The following SIPA1L1 variants were observed in gnomAD, a reference collection of about 807,000 sequenced individuals.
SIPA1L1 encodes signal-induced proliferation-associated 1-like protein 1.
SIPA1L1 carries 26 observed loss-of-function variants against 162.7 expected under a neutral mutation model. The ratio of observed to expected loss-of-function variants is 0.16; its 90% CI spans 0.12 to 0.22. The LOEUF (loss-of-function observed/expected upper bound fraction) is 0.22. Among genes scored for constraint, SIPA1L1 ranks in the 10% least tolerant of loss-of-function variants. SIPA1L1 has a pLI of 1.00. For missense variants in SIPA1L1, 1,874 were observed against 2,241.0 expected (o/e 0.84, Z 3.31); for synonymous variants, 829 against 837.4 (o/e 0.99, Z 0.17).
chr14:71,421,918 A>G (rs939201022), intron 2 of SIPA1L1, among the ~76,000 whole-genome samples: 5 of 152,206 alleles, frequency 3.3e-5, no homozygotes, highest in Non-Finnish European at 7.3e-5. Context: ...TTACCGCAAG[A>G]AGGGGACTCA....
rs746349439 is a variant in SIPA1L1, at chr14:71,386,778, C to T, written c.-465+65597C>T. On this transcript the variant is annotated intron_variant, in intron 2 of 23. Transcript: ENST00000381232. Reference sequence around the variant, plus strand: ...TTTCAAATGTATTATCTCATTAATACATACCTTCAGTACCATTGATTTAGA... The same window carrying T: ...TTTCAAATGTATTATCTCATTAATATATACCTTCAGTACCATTGATTTAGA... Among the ~76,000 whole-genome samples, 39 of 152,166 alleles carry T rather than the reference C, an allele frequency of 2.6e-4. 1 individual carries two copies. The highest frequency in any genetic ancestry group is 2.4e-3 in the Admixed American group (36 of 15,282).
chr14:71,361,329 A>G (rs908178962), intron 2 of SIPA1L1, among the ~76,000 whole-genome samples: 2 of 152,120 alleles, frequency 1.3e-5, no homozygotes, highest in Non-Finnish European at 2.9e-5. Flanking sequence ...TACAGTGGTA[A>G]TGGGGTATTG....
chr14:71,640,189 C>T (rs1274663065), intron 7 of SIPA1L1, among the ~76,000 whole-genome samples: 1 of 152,146 alleles, frequency 6.6e-6, no homozygotes, highest in Non-Finnish European at 1.5e-5. Context: ...CAGGTGTGAG[C>T]CACCAGGCCC....
chr14:71,701,126 G>A (rs182972960), intron 14 of SIPA1L1, among the ~76,000 whole-genome samples: 31 of 150,028 alleles, frequency 2.1e-4, no homozygotes, highest in Non-Finnish European at 3.8e-4. Context: ...TGGAATTGCC[G>A]TTTTACACAT....
At chr14:71,620,577 AT>A (rs1352857225) in intron 6 of SIPA1L1, among the ~76,000 whole-genome samples, 1 of 151,938 alleles carries the variant, frequency 6.6e-6, no homozygotes, top group East Asian at 1.9e-4. Context: ...GTTTCCTATG[AT>A]TCTTTCTGAG....
intron 17 of SIPA1L1, among the ~76,000 whole-genome samples, chr14:71,713,373 A>G (rs142702062): frequency 1.4e-3 from 206 of 152,186 alleles, no homozygotes; most frequent in Non-Finnish European, 2.4e-3. Context: ...GAGAGCATAC[A>G]TAGAGTCTTT....
intron 5 of SIPA1L1, among the ~76,000 whole-genome samples, chr14:71,608,566 C>T (rs1567303114): frequency 6.6e-6 from 1 of 151,926 alleles, no homozygotes; most frequent in Non-Finnish European, 1.5e-5. Flanking sequence ...AGTCATTGAC[C>T]ATTTGCAAAC....
At chr14:71,421,514 G>A (rs1218124942) in intron 2 of SIPA1L1, among the ~76,000 whole-genome samples, 2 of 152,216 alleles carry the variant, frequency 1.3e-5, no homozygotes, top group Middle Eastern at 3.4e-3. Flanking sequence ...TGGGAGGATG[G>A]CTTGAGCCCA....
intron 4 of SIPA1L1, among the ~76,000 whole-genome samples, chr14:71,534,896 T>A (rs2145515232): frequency 6.6e-6 from 1 of 152,378 alleles, no homozygotes; most frequent in South Asian, 2.1e-4. Flanking sequence ...TTAGTTGTAT[T>A]TTGATGATCA....
intron 10 of SIPA1L1, among the ~76,000 whole-genome samples, chr14:71,669,356 A>G (rs569996172): frequency 1.3e-5 from 2 of 152,352 alleles, no homozygotes; most frequent in Admixed American, 1.3e-4. Flanking sequence ...GAGGGTGCTT[A>G]AAATCACACC....
chr14:71,738,182 A>G, intron 22 of SIPA1L1, 59 bp from the exon 23 acceptor site: 1 of 887,324 alleles, frequency 1.1e-6, no homozygotes, highest in Non-Finnish European at 1.7e-6. Context: ...AAAAAAAAAA[A>G]AAAACAAACC....
chr14:71,440,563 A>C (rs1262691459), intron 2 of SIPA1L1, among the ~76,000 whole-genome samples: 1 of 138,026 alleles, frequency 7.2e-6, no homozygotes, highest in Non-Finnish European at 1.5e-5. Context: ...CGGGGAGGAT[A>C]GCTTGAGCCT....
At position 71,733,661 on chromosome 14, in the gene SIPA1L1, C is replaced by G; in HGVS notation, c.4862-5C>G. ...AAGCATCTCATTCCTCCTCCCTTCC[C>G]GCAGGAGAGTTCTCAGCCTCGGACA... On this transcript the variant is annotated splice_region_variant and splice_polypyrimidine_tract_variant and intron_variant, in intron 20 of 23. Coordinates refer to ENST00000381232, the MANE Select transcript of SIPA1L1 (RefSeq NM_001386936.1). The G allele has an allele frequency of 6.2e-7, 1 of 1,613,134 alleles. No homozygotes were observed. Among genetic ancestry groups the G allele is most frequent in the Non-Finnish European group, 8.5e-7 (1 of 1,179,734 alleles).
intron 5 of SIPA1L1, among the ~76,000 whole-genome samples, chr14:71,616,302 T>G (rs971485189): frequency 6.6e-6 from 1 of 152,134 alleles, no homozygotes; most frequent in South Asian, 2.1e-4. Context: ...AAAAGTACCA[T>G]TTGTTTTAAC....
intron 2 of SIPA1L1, among the ~76,000 whole-genome samples, chr14:71,430,460 C>G (rs1445269448): frequency 6.6e-6 from 1 of 152,160 alleles, no homozygotes; most frequent in Non-Finnish European, 1.5e-5. Flanking sequence ...AGCTGGAGAT[C>G]TCATCAGTAT....
At chr14:71,386,264 A>G (rs1400449829) in intron 2 of SIPA1L1, among the ~76,000 whole-genome samples, 1 of 152,204 alleles carries the variant, frequency 6.6e-6, no homozygotes, top group Non-Finnish European at 1.5e-5. Flanking sequence ...CTTGGATTCC[A>G]ATGTTGGAGA....
rs746515397 is a variant in SIPA1L1, at chr14:71,618,779, T to G, written c.1521T>G (p.Ala507=). 4 of 1,613,882 alleles carry G rather than the reference T, an allele frequency of 2.5e-6. No individual in the cohort carries two copies. Among genetic ancestry groups the G allele is most frequent in the Non-Finnish European group, 3.4e-6 (4 of 1,179,868 alleles). The part of the protein sequence containing the change: ...YQKEHWNYFG[A]DENLGPVAVS... The stretch of plus-strand genomic sequence containing the variant: ...AAGAACACTGGAACTATTTTGGGGC[T>G]GATGAGAATCTTGGTCCAGTGGCTG... Residue 507 remains alanine (A), a synonymous_variant, in exon 6 of 24, where the codon GCT becomes GCG. Transcript: ENST00000381232.
chr14:71,394,329 T>C (rs2141402432), intron 2 of SIPA1L1, among the ~76,000 whole-genome samples: 1 of 152,356 alleles, frequency 6.6e-6, no homozygotes, highest in Non-Finnish European at 1.5e-5. Flanking sequence ...TGTCCATTCA[T>C]TAACTGGAAG....
chr14:71,558,453 T>C (rs1195683290), intron 4 of SIPA1L1, among the ~76,000 whole-genome samples: 1 of 152,156 alleles, frequency 6.6e-6, no homozygotes, highest in Admixed American at 6.5e-5. Flanking sequence ...AGCTCCATCA[T>C]GTTTCAAGGT....
Sources: gnomAD v4.1 joint callset for allele counts (sites outside exome capture counted in the v4.1 genomes callset) on GRCh38, gnomAD v4.1.1 for gene constraint, MANE v1.5 for transcripts, NCBI Gene and HGNC (gene_info 2026-07-23, HGNC 2026-07-21) for gene names.